TENM2: variants seen among roughly 807,000 people sequenced by gnomAD.
TENM2 encodes teneurin-2.
TENM2 carries 52 observed loss-of-function variants against 245.2 expected under a neutral mutation model. The ratio of observed to expected loss-of-function variants is 0.21; its 90% CI spans 0.17 to 0.27. TENM2 has a LOEUF of 0.27. Ranked by LOEUF, TENM2 falls within the 10% of genes least tolerant of loss-of-function variation. The probability of loss-of-function intolerance (pLI) is 1.00; values close to 1 mark genes in which losing one functional copy is unlikely to be tolerated. For missense variants in TENM2, 3,046 were observed against 3,666.8 expected (o/e 0.83, Z 4.37); for synonymous variants, 1,363 against 1,438.9 (o/e 0.95, Z 1.19).
At chr5:168,063,252 T>C (rs1790202307) in intron 7 of TENM2, among the ~76,000 whole-genome samples, 1 of 152,178 alleles carries the variant, frequency 6.6e-6, no homozygotes, top group Non-Finnish European at 1.5e-5. Flanking sequence ...CCTTGGGAAG[T>C]CCTTGGCACT....
chr5:167,465,595 C>T (rs527686907), intron 2 of TENM2, among the ~76,000 whole-genome samples: 1 of 152,248 alleles, frequency 6.6e-6, no homozygotes, highest in South Asian at 2.1e-4. Context: ...TTTGGGAGGC[C>T]GAGGCAGGCG....
intron 9 of TENM2, among the ~76,000 whole-genome samples, chr5:168,107,767 G>T (rs1417870784): frequency 6.6e-6 from 1 of 152,204 alleles, no homozygotes; most frequent in Non-Finnish European, 1.5e-5. Context: ...TGATTTTTCA[G>T]CTGGAATGTT....
intron 2 of TENM2, among the ~76,000 whole-genome samples, chr5:167,589,263 C>T (rs1184906970): frequency 6.6e-6 from 1 of 151,688 alleles, no homozygotes; most frequent in Non-Finnish European, 1.5e-5. Context: ...TTACCATTGT[C>T]ACAAAGCCAC....
At chr5:167,679,597 A>C (rs1209521349) in intron 2 of TENM2, among the ~76,000 whole-genome samples, 14 of 152,134 alleles carry the variant, frequency 9.2e-5, no homozygotes, top group Admixed American at 8.5e-4. Flanking sequence ...ACTGCATGCA[A>C]ATCTTTATTT....
intron 2 of TENM2, among the ~76,000 whole-genome samples, chr5:167,503,993 G>A (rs749242366): frequency 1.3e-5 from 2 of 152,092 alleles, no homozygotes; most frequent in Non-Finnish European, 2.9e-5. Context: ...GGAAAAATGG[G>A]GACAGTCAGT....
At chr5:167,237,392 T>C in the TENM2 span, among the ~76,000 whole-genome samples, 6 of 152,244 alleles carry the variant, frequency 3.9e-5, no homozygotes, top group Non-Finnish European at 4.4e-5. Context: ...GCTGGCCACA[T>C]TCAATCACTC....
the TENM2 span, among the ~76,000 whole-genome samples, chr5:167,081,862 C>T: frequency 6.6e-6 from 1 of 152,202 alleles, no homozygotes; most frequent in Non-Finnish European, 1.5e-5. Flanking sequence ...ACTGAGTCCT[C>T]ATCCCAGGCA....
At chr5:167,895,027 G>A (rs1023945889) in intron 3 of TENM2, among the ~76,000 whole-genome samples, 1 of 137,516 alleles carries the variant, frequency 7.3e-6, no homozygotes, top group African/African-American at 2.6e-5. Context: ...GGGAGGGAGG[G>A]AGGCAGGGAG....
intron 2 of TENM2, among the ~76,000 whole-genome samples, chr5:167,640,977 G>A (rs887415714): frequency 7.0e-6 from 1 of 142,856 alleles, no homozygotes; most frequent in African/African-American, 2.5e-5. Flanking sequence ...CTGAAAACTT[G>A]TCAAAAATGC....
intron 12 of TENM2, among the ~76,000 whole-genome samples, chr5:168,142,217 A>G (rs552395366): frequency 6.6e-6 from 1 of 152,342 alleles, no homozygotes; most frequent in East Asian, 1.9e-4. Context: ...GAGTTTGGCC[A>G]CTAGAGTTTC....
intron 5 of TENM2, among the ~76,000 whole-genome samples, chr5:168,036,123 G>T (rs1787641861): frequency 6.6e-6 from 1 of 152,156 alleles, no homozygotes; most frequent in Non-Finnish European, 1.5e-5. Flanking sequence ...GCCTGGCTTG[G>T]GGATTTCCAT....
At chr5:167,796,620 G>A (rs1765338933) in intron 2 of TENM2, among the ~76,000 whole-genome samples, 1 of 148,036 alleles carries the variant, frequency 6.8e-6, no homozygotes, top group South Asian at 2.1e-4. Flanking sequence ...GTGCGTGTGT[G>A]TGTGTGTGTG....
intron 7 of TENM2, among the ~76,000 whole-genome samples, chr5:168,076,548 G>T (rs771033690): frequency 2.0e-5 from 3 of 152,020 alleles, no homozygotes; most frequent in Non-Finnish European, 2.9e-5. Flanking sequence ...TTTACTCACA[G>T]CTCTCCTCCC....
At chr5:168,215,529 C>T (rs761888141) in intron 21 of TENM2, among the ~76,000 whole-genome samples, 5 of 152,066 alleles carry the variant, frequency 3.3e-5, no homozygotes, top group South Asian at 2.1e-4. Context: ...ATTAGCCGGG[C>T]GTGGCGGTGG....
At chr5:167,058,927 T>C in the TENM2 span, among the ~76,000 whole-genome samples, 622 of 152,242 alleles carry the variant, frequency 4.1e-3, 7 homozygotes, top group African/African-American at 0.014. Context: ...TACAAGATAT[T>C]TCAAATATAC....
intron 13 of TENM2, among the ~76,000 whole-genome samples, chr5:168,165,573 T>C (rs1286432243): frequency 2.2e-5 from 3 of 138,174 alleles, no homozygotes; most frequent in Non-Finnish European, 4.6e-5. Context: ...CCTGAAGTGA[T>C]GGAGCTAAAA....
the TENM2 span, among the ~76,000 whole-genome samples, chr5:167,111,957 G>A: frequency 6.6e-6 from 1 of 152,200 alleles, no homozygotes; most frequent in African/African-American, 2.4e-5. Context: ...CCATATGTTT[G>A]CATGCCTCGA....
chr5:168,090,478 T>C, intron 7 of TENM2, 96 bp from the exon 10 acceptor site: 4 of 1,111,714 alleles, frequency 3.6e-6, no homozygotes, highest in Non-Finnish European at 5.1e-6. Context: ...AAAAAAGGTC[T>C]TTCTCCATTA....
chr5:167,391,622 C>CAAAAAAAAAAAAAAAAAAA, intron 2 of TENM2, among the ~76,000 whole-genome samples: 1 of 53,500 alleles, frequency 1.9e-5, no homozygotes, highest in Non-Finnish European at 3.8e-5. Context: ...AAGACTTCAT[C>CAAAAAAAAAAAAAAAAAAA]AAAAAAAAAA....
Sources: allele counts gnomAD v4.1 joint callset (sites outside exome capture counted in the v4.1 genomes callset), GRCh38; gene constraint gnomAD v4.1.1; transcripts MANE v1.5; gene names NCBI Gene and HGNC (gene_info 2026-07-23, HGNC 2026-07-21).